The following KCNAB1 variants were observed in gnomAD, a reference collection of about 807,000 sequenced individuals.
KCNAB1 encodes voltage-gated potassium channel subunit beta-1.
KCNAB1 carries 35 observed loss-of-function variants against 64.6 expected under a neutral mutation model. That is an observed-to-expected ratio of 0.54 (90% CI 0.41 to 0.72). The LOEUF (loss-of-function observed/expected upper bound fraction) is 0.72, where lower values mean the gene tolerates loss of function less well. KCNAB1 is among the 30% of genes least tolerant of loss of function. The pLI, the probability that KCNAB1 is intolerant of heterozygous loss-of-function variation, is 0.00. For missense variants in KCNAB1, 401 were observed against 512.9 expected (o/e 0.78, Z 2.11); for synonymous variants, 177 against 183.8 (o/e 0.96, Z 0.30).
intron 4 of KCNAB1, 102 bp downstream of exon 4, chr3:156,457,634 T>C (rs1712546402): frequency 9.8e-7 from 1 of 1,017,018 alleles, no homozygotes; most frequent in Non-Finnish European, 1.5e-6. Context: ...CTGTCCTTTC[T>C]CCACGTGTTG....
chr3:156,412,774 G>T (rs1185714820), intron 1 of KCNAB1, among the ~76,000 whole-genome samples: 2 of 152,210 alleles, frequency 1.3e-5, no homozygotes, highest in Non-Finnish European at 2.9e-5. Context: ...CCTAGTAGTG[G>T]CTGTGAAGAA....
At position 156,434,784 on chromosome 3, in the gene KCNAB1, G is replaced by A. The variant is rs182832794; in HGVS notation, c.319+13125G>A. Among the ~76,000 whole-genome samples, 75 of 152,322 alleles carry A rather than the reference G, an allele frequency of 4.9e-4. 2 individuals are homozygous for A. Among genetic ancestry groups the A allele is most frequent in the Admixed American group, 4.3e-3 (66 of 15,298 alleles). The stretch of plus-strand genomic sequence containing the variant: ...GTAATGAGAGGTGATAACTAGTGGG[G>A]TGGAGTCCCTGAGAAAGAAGAAGGA... On this transcript the variant is annotated intron_variant, in intron 2 of 13. Coordinates refer to ENST00000490337, the MANE Select transcript of KCNAB1 (RefSeq NM_172160.3).
intron 1 of KCNAB1, among the ~76,000 whole-genome samples, chr3:156,352,090 G>A (rs989446428): frequency 2.0e-5 from 3 of 152,206 alleles, no homozygotes; most frequent in African/African-American, 7.2e-5. Context: ...CCCGCTGTGA[G>A]GCTTGGGGCA....
At chr3:156,354,469 C>A (rs910236541) in intron 1 of KCNAB1, among the ~76,000 whole-genome samples, 1 of 151,740 alleles carries the variant, frequency 6.6e-6, no homozygotes, top group Non-Finnish European at 1.5e-5. Context: ...CCCATAATAT[C>A]CTTAAAGACA....
At position 156,212,594 on chromosome 3, in the gene KCNAB1, C is replaced by T. The variant is rs994373128; in HGVS notation, c.275+91708C>T. ...AGACAAATGATTGTAAACTCACACC[C>T]ACTACCAGGTGGCAAAGGATGACAC... On this transcript the variant is annotated intron_variant, in intron 1 of 13. Coordinates refer to ENST00000490337, the MANE Select transcript of KCNAB1 (RefSeq NM_172160.3). 2.0e-5 allele frequency among the ~76,000 whole-genome samples: 3 copies of T among 152,160 alleles called. No homozygotes were observed. In the East Asian group the frequency reaches 5.8e-4, roughly 29 times the overall value.
intron 1 of KCNAB1, among the ~76,000 whole-genome samples, chr3:156,413,091 G>A (rs925009934): frequency 6.6e-6 from 1 of 152,170 alleles, no homozygotes; most frequent in African/African-American, 2.4e-5. Context: ...AAACTCTAAG[G>A]TTGCAAACAC....
At chr3:156,271,770 G>T (rs1468233248) in intron 1 of KCNAB1, among the ~76,000 whole-genome samples, 2 of 152,088 alleles carry the variant, frequency 1.3e-5, no homozygotes, top group African/African-American at 2.4e-5. Context: ...CCAGTGTCTG[G>T]GCATTGAAAA....
At chr3:156,317,108 A>T (rs1436640587) in intron 1 of KCNAB1, among the ~76,000 whole-genome samples, 1 of 152,102 alleles carries the variant, frequency 6.6e-6, no homozygotes, top group Non-Finnish European at 1.5e-5. Flanking sequence ...TTTCAGGGAG[A>T]TATTTTTAGA....
At chr3:156,398,553 A>C (rs1713647591) in intron 1 of KCNAB1, among the ~76,000 whole-genome samples, 1 of 147,042 alleles carries the variant, frequency 6.8e-6, no homozygotes, top group Non-Finnish European at 1.5e-5. Flanking sequence ...AGATCACGCC[A>C]CTGCACTCCA....
At chr3:156,486,368 G>A (rs779241630) in intron 8 of KCNAB1, among the ~76,000 whole-genome samples, 14 of 152,240 alleles carry the variant, frequency 9.2e-5, no homozygotes, top group South Asian at 2.1e-4. Flanking sequence ...GGGAGTAAAG[G>A]GGGTCTAGTG....
chr3:156,469,231 T>A (rs1713674630), intron 7 of KCNAB1, among the ~76,000 whole-genome samples: 1 of 122,760 alleles, frequency 8.1e-6, no homozygotes, highest in Non-Finnish European at 1.6e-5. Context: ...CAGGGTTCTC[T>A]CTTTCTTTCT....
intron 1 of KCNAB1, among the ~76,000 whole-genome samples, chr3:156,387,886 G>T (rs1712731296): frequency 6.6e-6 from 1 of 152,134 alleles, no homozygotes; most frequent in Non-Finnish European, 1.5e-5. Flanking sequence ...TTTCTTAGAA[G>T]AATAAAGTTA....
At chr3:156,433,919 G>T (rs529507735) in intron 2 of KCNAB1, among the ~76,000 whole-genome samples, 2 of 152,238 alleles carry the variant, frequency 1.3e-5, no homozygotes, top group South Asian at 4.2e-4. Flanking sequence ...TGGATTGAGA[G>T]TTCTAGGAAA....
chr3:156,347,854 A>G (rs1014437988), intron 1 of KCNAB1, among the ~76,000 whole-genome samples: 1 of 152,250 alleles, frequency 6.6e-6, no homozygotes, highest in African/African-American at 2.4e-5. Context: ...AAATTCACAC[A>G]GTATGGATCT....
intron 13 of KCNAB1, among the ~76,000 whole-genome samples, chr3:156,535,761 G>C (rs547059479): frequency 6.6e-6 from 1 of 151,706 alleles, no homozygotes; most frequent in Non-Finnish European, 1.5e-5. Flanking sequence ...CCCTAGTTAA[G>C]GCCCTATTGC....
intron 3 of KCNAB1, among the ~76,000 whole-genome samples, chr3:156,453,718 G>A (rs1189012474): frequency 1.3e-5 from 2 of 152,178 alleles, no homozygotes; most frequent in African/African-American, 4.8e-5. Flanking sequence ...AATGCCCTGA[G>A]TCCCTCTGAT....
intron 9 of KCNAB1, 106 bp downstream of exon 9, chr3:156,514,555 A>G (rs1717431472): frequency 1.3e-6 from 1 of 754,800 alleles, no homozygotes; most frequent in East Asian, 2.6e-5. Context: ...CACAATCACT[A>G]TGGCACTGGA....
chr3:156,529,921 C>CACTG (rs1718579200), intron 12 of KCNAB1, among the ~76,000 whole-genome samples: 1 of 152,296 alleles, frequency 6.6e-6, no homozygotes, highest in African/African-American at 2.4e-5. Context: ...AGTCCAGCAA[C>CACTG]ACTGAGTTCC....
chr3:156,192,169 C>T (rs1361405432), intron 1 of KCNAB1, among the ~76,000 whole-genome samples: 1 of 152,162 alleles, frequency 6.6e-6, no homozygotes, highest in Admixed American at 6.5e-5. Flanking sequence ...TTTTGAGACT[C>T]ATCCATGTTG....
Sources: allele counts gnomAD v4.1 joint callset (sites outside exome capture counted in the v4.1 genomes callset), GRCh38; gene constraint gnomAD v4.1.1; transcripts MANE v1.5; gene names NCBI Gene and HGNC (gene_info 2026-07-23, HGNC 2026-07-21).